Variants in MCC observed in about 807,000 individuals in gnomAD.
The protein encoded by MCC is MCC regulator of Wnt signaling pathway, also known as colorectal mutant cancer protein.
Under a neutral mutation model 116.2 loss-of-function variants are expected in MCC, and 90 were observed. The ratio of observed to expected loss-of-function variants is 0.77; its 90% CI spans 0.65 to 0.92. The LOEUF (loss-of-function observed/expected upper bound fraction) is 0.92, where lower values mean the gene tolerates loss of function less well. Among genes scored for constraint, MCC ranks in the 40% least tolerant of loss-of-function variants. The pLI is 0.00. For synonymous variants in MCC, 578 were observed against 510.5 expected, an observed-to-expected ratio of 1.13 and a Z score of -1.78; for missense variants, 1,516 against 1,312.2, an observed-to-expected ratio of 1.16 and a Z score of -2.40.
chr5:113,098,900 T>C (rs1756218151), intron 8 of MCC, among the ~76,000 whole-genome samples: 1 of 152,234 alleles, frequency 6.6e-6, no homozygotes, highest in South Asian at 2.1e-4. Context: ...AAACCAGCCT[T>C]GTACTCTGTA....
intron 3 of MCC, among the ~76,000 whole-genome samples, chr5:113,179,753 T>C (rs1162378168): frequency 6.6e-6 from 1 of 152,172 alleles, no homozygotes; most frequent in Non-Finnish European, 1.5e-5. Flanking sequence ...TTTGCAATGA[T>C]ATACCTAGCA....
intron 3 of MCC, among the ~76,000 whole-genome samples, chr5:113,201,022 A>G (rs887248598): frequency 2.0e-5 from 3 of 152,190 alleles, no homozygotes; most frequent in African/African-American, 7.2e-5. Flanking sequence ...AAATTCTTAT[A>G]TGGAACCCCT....
chr5:113,232,154 T>C (rs1327795831), intron 3 of MCC, among the ~76,000 whole-genome samples: 2 of 152,198 alleles, frequency 1.3e-5, no homozygotes, highest in African/African-American at 4.8e-5. Flanking sequence ...CTTTTAACAT[T>C]GAATTTTCTA....
chr5:113,423,193 T>C lies in MCC; in HGVS notation c.171-37981A>G, dbSNP rs893722825. Among the ~76,000 whole-genome samples the C allele has an allele frequency of 6.2e-4, 94 of 152,306 alleles. 1 individual carries two copies. The highest frequency in any genetic ancestry group is 1.2e-3 in the Non-Finnish European group (79 of 68,024). ...CACGTTTTTCATACCTTCGTGCTTT[T>C]TGTTGATAACTTTGCTGTCTAAAGT... On this transcript the variant is annotated intron_variant, in intron 1 of 18. Coordinates refer to ENST00000408903, the MANE Select transcript of MCC (RefSeq NM_001085377.2).
At chr5:113,376,028 T>A (rs970249367) in intron 2 of MCC, among the ~76,000 whole-genome samples, 5 of 152,194 alleles carry the variant, frequency 3.3e-5, no homozygotes, top group African/African-American at 1.2e-4. Flanking sequence ...CTCAGTGTTC[T>A]GGTGTTTTCA....
At chr5:113,311,594 G>T (rs1054363095) in intron 3 of MCC, among the ~76,000 whole-genome samples, 1 of 152,260 alleles carries the variant, frequency 6.6e-6, no homozygotes, top group South Asian at 2.1e-4. Context: ...AACACTTATT[G>T]GTGAATGTCA....
chr5:113,484,140 T>C (rs1263352261), intron 1 of MCC, among the ~76,000 whole-genome samples: 1 of 151,978 alleles, frequency 6.6e-6, no homozygotes, highest in Non-Finnish European at 1.5e-5. Context: ...TTAGTATCCA[T>C]AACTATAGTG....
intron 3 of MCC, among the ~76,000 whole-genome samples, chr5:113,208,919 T>C (rs1162653583): frequency 2.0e-5 from 3 of 152,166 alleles, no homozygotes; most frequent in Non-Finnish European, 2.9e-5. Flanking sequence ...AACACCAAGG[T>C]CAGATCCTGA....
chr5:113,350,032 A>T (rs1768228214), intron 2 of MCC, among the ~76,000 whole-genome samples: 1 of 152,088 alleles, frequency 6.6e-6, no homozygotes, highest in Admixed American at 6.6e-5. Flanking sequence ...CTGATGAAAG[A>T]AATTGAAGAG....
chr5:113,450,455 T>C (rs2150419820), intron 1 of MCC, among the ~76,000 whole-genome samples: 1 of 152,234 alleles, frequency 6.6e-6, no homozygotes, highest in South Asian at 2.1e-4. Flanking sequence ...ACTGATGTGA[T>C]GCCCCCCCAA....
chr5:113,351,076 C>T (rs945312032), intron 2 of MCC, among the ~76,000 whole-genome samples: 1 of 152,062 alleles, frequency 6.6e-6, no homozygotes, highest in Non-Finnish European at 1.5e-5. Context: ...AACCCTCATA[C>T]ACTGTTGGTG....
intron 1 of MCC, among the ~76,000 whole-genome samples, chr5:113,461,565 G>T (rs1450329932): frequency 6.6e-6 from 1 of 151,206 alleles, no homozygotes; most frequent in Non-Finnish European, 1.5e-5. Flanking sequence ...AGGGCTTTGG[G>T]GAGGCCGAGT....
In MCC at chr5:113,104,302, T is replaced by C. The variant is rs750857951; in HGVS notation, c.1081A>G (p.Asn361Asp). ...ELQRVLTGLE[N>D]VVCGRKKSSC... is the part of the protein sequence containing the mutation. ...CTCTTCTTCCTGCCGCAGACAACAT[T>C]CTCCAGCCCTGTCAGCACCCTCTGC... is the stretch of plus-strand genomic sequence containing the variant. The change falls in exon 7 of 19, where the codon AAT (asparagine) becomes GAT (aspartate). Residue 361 changes from asparagine to aspartate, a missense_variant. By Grantham distance (23) the Asn-to-Asp change is conservative. Coordinates refer to ENST00000408903, the MANE Select transcript of MCC (RefSeq NM_001085377.2). 1 of 1,613,894 alleles carries C rather than the reference T, an allele frequency of 6.2e-7. No homozygotes were observed. The highest frequency in any genetic ancestry group is 1.1e-5 in the South Asian group (1 of 91,064).
At chr5:113,028,653 T>C (rs559195999) in intron 18 of MCC, among the ~76,000 whole-genome samples, 3 of 152,312 alleles carry the variant, frequency 2.0e-5, no homozygotes, top group Non-Finnish European at 4.4e-5. Context: ...TCTCAGAACA[T>C]TTAAGATACA....
chr5:113,145,367 C>G, intron 4 of MCC, among the ~76,000 whole-genome samples: 1 of 152,158 alleles, frequency 6.6e-6, no homozygotes, highest in East Asian at 1.9e-4. Flanking sequence ...CTTGTTCCTC[C>G]TCTTTTGTTT....
intron 3 of MCC, chr5:113,269,162 C>G: frequency 3.0e-6 from 3 of 985,392 alleles, no homozygotes; most frequent in Non-Finnish European, 3.6e-6. Flanking sequence ...GAATAATTCT[C>G]TGCTTACCAA....
chr5:113,312,721 ATGCTTACTT>A (rs1332245203), intron 3 of MCC, among the ~76,000 whole-genome samples: 1 of 152,242 alleles, frequency 6.6e-6, no homozygotes, highest in Non-Finnish European at 1.5e-5. Flanking sequence ...TTCTTCTCAC[ATGCTTACTT>A]TGCTATGAAA....
intron 3 of MCC, among the ~76,000 whole-genome samples, chr5:113,190,335 T>C (rs1214244416): frequency 2.6e-5 from 4 of 152,056 alleles, no homozygotes; most frequent in Non-Finnish European, 5.9e-5. Flanking sequence ...TAACAACAAA[T>C]AGGGGTGGCA....
Position 113,101,736 on chromosome 5 carries a change from C to T in MCC, c.1398+3G>A, listed in dbSNP as rs367919475. 5.0e-6 allele frequency: 8 copies of T among 1,612,830 alleles called. No homozygotes were observed. In the Admixed American group the frequency reaches 8.3e-5, roughly 17 times the overall value. On this transcript the variant is annotated splice_donor_region_variant and intron_variant, in intron 8 of 18. Coordinates refer to ENST00000408903, the MANE Select transcript of MCC (RefSeq NM_001085377.2). ...CTGACCATTATGGATGCAGCATGCT[C>T]ACCCTCCTCCGGAGCCGGTCCCGCT...
Sources: gnomAD v4.1 joint callset for allele counts (sites outside exome capture counted in the v4.1 genomes callset) on GRCh38, gnomAD v4.1.1 for gene constraint, MANE v1.5 for transcripts, NCBI Gene and HGNC (gene_info 2026-07-23, HGNC 2026-07-21) for gene names.